Variants in SLC43A2 observed in about 807,000 individuals in gnomAD.
SLC43A2 encodes solute carrier family 43 member 2, also known as large neutral amino acids transporter small subunit 4.
SLC43A2 carries 38 observed loss-of-function variants against 63.2 expected under a neutral mutation model. That is an observed-to-expected ratio of 0.60 (90% CI 0.46 to 0.79). The LOEUF is 0.79. Ranked by LOEUF, SLC43A2 falls within the 30% of genes least tolerant of loss-of-function variation. The probability of loss-of-function intolerance (pLI) is 0.00; values close to 1 mark genes in which losing one functional copy is unlikely to be tolerated. For missense variants in SLC43A2, 644 were observed against 756.2 expected, an observed-to-expected ratio of 0.85 and a Z score of 1.74; for synonymous variants, 322 against 331.0, an observed-to-expected ratio of 0.97 and a Z score of 0.30.
chr17:1,585,684 G>A (rs1256786358), intron 10 of SLC43A2: 1 of 1,468,370 alleles, frequency 6.8e-7, no homozygotes. Flanking sequence ...CACCGCACCT[G>A]GCCTCAAACT....
At position 1,587,727 on chromosome 17, in the gene SLC43A2, C is replaced by T. The variant is rs531882783; in HGVS notation, c.1079-1676G>A. Reference sequence around the variant, plus strand: ...TGATAGTATCTATCATAAATGATGACGTAAACAGATGATAGTATCTATTTA... The same window carrying T: ...TGATAGTATCTATCATAAATGATGATGTAAACAGATGATAGTATCTATTTA... On this transcript the variant is annotated intron_variant, in intron 9 of 13. Coordinates refer to ENST00000301335, the MANE Select transcript of SLC43A2 (RefSeq NM_152346.3). Among the ~76,000 whole-genome samples the T allele has an allele frequency of 3.3e-5, 5 of 152,154 alleles. No individual in the cohort carries two copies. In the South Asian group the frequency reaches 8.3e-4, roughly 25 times the overall value.
At position 1,583,426 on chromosome 17, in the gene SLC43A2, G is replaced by A; in HGVS notation, c.1218-90C>T. 1.1e-5 allele frequency: 17 copies of A among 1,571,784 alleles called. No individual in the cohort carries two copies. Among genetic ancestry groups the A allele is most frequent in the Non-Finnish European group, 1.5e-5 (17 of 1,158,096 alleles). ...AGTCAGGCCTCAAGCGTCGCAGCAGGTAAACTGACGCAAGACTCAGAAGCC... is the reference window on the plus strand; with the variant it reads ...AGTCAGGCCTCAAGCGTCGCAGCAGATAAACTGACGCAAGACTCAGAAGCC... On this transcript the variant is annotated intron_variant, in intron 10 of 13. Coordinates refer to ENST00000301335, the MANE Select transcript of SLC43A2 (RefSeq NM_152346.3). This position sits in a 1 kb window ranked among gnomAD's most constrained non-coding sequence, Gnocchi z 5.5.
Position 1,600,181 on chromosome 17 carries a change from G to T in SLC43A2, c.502-6902C>A, listed in dbSNP as rs1452968207. On this transcript the variant is annotated intron_variant, in intron 5 of 13. Transcript: ENST00000301335. ...TTTTTTTTTTTTTGAGACGGAGTCT[G>T]GCTCTGTCACCCAGGCTGGAGTGCA... Among the ~76,000 whole-genome samples the T allele has an allele frequency of 9.3e-5, 7 of 74,950 alleles. No homozygotes were observed. In the Admixed American group the frequency reaches 1.6e-3, roughly 17 times the overall value. 49.2% of individuals were successfully genotyped at this position (74,950 alleles called of 152,430 possible). A position where few individuals can be genotyped will look rare whatever the true frequency, so the allele number is the denominator to read the frequency against.
intron 4 of SLC43A2, among the ~76,000 whole-genome samples, chr17:1,614,241 TCAA>T (rs1221323681): frequency 2.6e-5 from 4 of 151,806 alleles, no homozygotes; most frequent in Admixed American, 2.0e-4. Flanking sequence ...AGACTCTGTC[TCAA>T]CAACAACAAC....
intron 4 of SLC43A2, among the ~76,000 whole-genome samples, chr17:1,614,046 A>G (rs1297276999): frequency 6.6e-6 from 1 of 152,160 alleles, no homozygotes; most frequent in Non-Finnish European, 1.5e-5. Flanking sequence ...GATCAAGACC[A>G]TCCTGGTTAA....
chr17:1,602,416 C>G (rs1390734175), intron 5 of SLC43A2, among the ~76,000 whole-genome samples: 1 of 152,116 alleles, frequency 6.6e-6, no homozygotes, highest in Non-Finnish European at 1.5e-5. Context: ...GAGGCCGAGG[C>G]AAGCGGATCA....
Position 1,605,179 on chromosome 17 carries a change from G to A in SLC43A2, c.501+8016C>T. 1 of 1,183,774 alleles carries A rather than the reference G, an allele frequency of 8.4e-7. No individual in the cohort carries two copies. The highest frequency in any genetic ancestry group is 1.1e-6 in the Non-Finnish European group (1 of 947,420). The allele number at this position is 1,183,774 out of a possible 1,614,324, so 73.3% of individuals were successfully genotyped here. A position where few individuals can be genotyped will look rare whatever the true frequency, so the allele number is the denominator to read the frequency against. On this transcript the variant is annotated intron_variant, in intron 5 of 13. Transcript: ENST00000301335. The surrounding 1 kb of genome is among the most constrained non-coding windows in gnomAD (Gnocchi z 4.9). ...CGGGTCAACCTGTCCTGCCAGCCCG[G>A]GCTGTTCACTCACTGCCTCCACGCA...
chr17:1,575,852 G>C, intron 13 of SLC43A2, 87 bp from the exon 14 acceptor site: 1 of 1,447,500 alleles, frequency 6.9e-7, no homozygotes, highest in Non-Finnish European at 9.2e-7. Context: ...TGGGAAAGGG[G>C]AGAAGGTCAC....
chr17:1,578,326 G>A lies in SLC43A2; in HGVS notation c.1351-3C>T, dbSNP rs905733784. The A allele has an allele frequency of 1.2e-6, 2 of 1,613,690 alleles. No individual in the cohort carries two copies. The highest frequency in any genetic ancestry group is 1.3e-5 in the African/African-American group (1 of 75,036). ...GTGTGCAGGATGAAGGAGAGGATCT[G>A]GGGGAGGAAAAGGCGACTGTGGGCA... On this transcript the variant is annotated splice_polypyrimidine_tract_variant and splice_region_variant and intron_variant, in intron 11 of 13. Coordinates refer to ENST00000301335, the MANE Select transcript of SLC43A2 (RefSeq NM_152346.3). The surrounding 1 kb of genome is among the most constrained non-coding windows in gnomAD (Gnocchi z 6.5).
chr17:1,624,851 G>A (rs1438653566), intron 2 of SLC43A2, among the ~76,000 whole-genome samples: 1 of 152,084 alleles, frequency 6.6e-6, no homozygotes, highest in East Asian at 1.9e-4. Context: ...AGCTGTGATT[G>A]CAACACTACA....
intron 2 of SLC43A2, among the ~76,000 whole-genome samples, chr17:1,619,402 G>T (rs1907957018): frequency 6.6e-6 from 1 of 152,218 alleles, no homozygotes. Context: ...TGAATCGAGG[G>T]GGGATTTAAG....
chr17:1,581,973 A>AT (rs1354657440), intron 11 of SLC43A2, among the ~76,000 whole-genome samples: 2 of 151,354 alleles, frequency 1.3e-5, no homozygotes, highest in Non-Finnish European at 2.9e-5. Flanking sequence ...CGCCCAGCTA[A>AT]TTTTTGTAAT....
intron 5 of SLC43A2, among the ~76,000 whole-genome samples, chr17:1,609,192 G>A (rs1906875632): frequency 1.3e-5 from 2 of 152,092 alleles, no homozygotes; most frequent in African/African-American, 4.8e-5. Flanking sequence ...CGTGCTGGTG[G>A]GCCTGTGGTG....
At chr17:1,608,455 G>A (rs928811437) in intron 5 of SLC43A2, among the ~76,000 whole-genome samples, 19 of 151,530 alleles carry the variant, frequency 1.3e-4, no homozygotes, top group Non-Finnish European at 2.4e-4. Flanking sequence ...GTGCAGTGGT[G>A]CGATCTCAGC....
Position 1,576,617 on chromosome 17 carries a change from G to A in SLC43A2, c.1528C>T (p.Leu510Phe). Residue 510 changes from leucine to phenylalanine, a missense_variant, in exon 13 of 14, where the codon CTC (leucine) becomes TTC (phenylalanine). By Grantham distance (22) the Leu-to-Phe change is conservative (BLOSUM62 0). Transcript: ENST00000301335. ...QPLFLAMMGP[L>F]QGDPLWVNVG... is the part of the protein sequence containing the mutation. ...CTTACCCACAGAGGGTCTCCCTGGA[G>A]AGGACCCATCATGGCCAGAAACAGC... 6.2e-7 allele frequency: 1 copy of A among 1,609,360 alleles called. No individual in the cohort carries two copies. Among genetic ancestry groups the A allele is most frequent in the Non-Finnish European group, 8.5e-7 (1 of 1,179,936 alleles).
At chr17:1,579,708 G>A (rs190244779) in intron 11 of SLC43A2, among the ~76,000 whole-genome samples, 33 of 151,508 alleles carry the variant, frequency 2.2e-4, no homozygotes, top group African/African-American at 5.6e-4. Context: ...TTGGTGGTAC[G>A]TGCCCGTAGT....
chr17:1,591,719 C>CGGGGCGG lies in SLC43A2; in HGVS notation c.595-21_595-20insCCGCCCC. The CGGGGCGG allele has an allele frequency of 8.5e-6, 1 of 118,062 alleles. No homozygotes were observed. Among genetic ancestry groups the CGGGGCGG allele is most frequent in the South Asian group, 1.0e-4 (1 of 9,600 alleles). 7.3% of individuals were successfully genotyped at this position (118,062 alleles called of 1,614,324 possible). ...GATGAGCTGACAGGCACCGCGGGGACGGGGTGGGGGGGGGAGGGGGCAGAG... is the reference window on the plus strand; with the variant it reads ...GATGAGCTGACAGGCACCGCGGGGACGGGGCGGGGGGTGGGGGGGGGAGGGGGCAGAG... On this transcript the variant is annotated intron_variant, in intron 6 of 13. Transcript: ENST00000301335.
At chr17:1,576,753 G>T (rs1489330911) in intron 12 of SLC43A2, 33 bp from the exon 13 acceptor site, 1 of 1,600,640 alleles carries the variant, frequency 6.2e-7, no homozygotes, top group Non-Finnish European at 8.5e-7. Context: ...CAGCCATCCT[G>T]CCTCCTGGGC....
chr17:1,592,978 G>C (rs559909551), intron 6 of SLC43A2, among the ~76,000 whole-genome samples: 1 of 152,308 alleles, frequency 6.6e-6, no homozygotes, highest in East Asian at 1.9e-4. Flanking sequence ...ACCTGCGGCA[G>C]ATCCTGCAGC....
Sources: gnomAD v4.1 joint callset for allele counts (sites outside exome capture counted in the v4.1 genomes callset) on GRCh38, gnomAD v4.1.1 for gene constraint, Gnocchi (gnomAD v3.1) non-coding constraint, MANE v1.5 for transcripts, NCBI Gene and HGNC (gene_info 2026-07-23, HGNC 2026-07-21) for gene names.